SLC8A1: variants seen among roughly 807,000 people sequenced by gnomAD.
The protein encoded by SLC8A1 is sodium/calcium exchanger 1.
Under a neutral mutation model 68.3 loss-of-function variants are expected in SLC8A1, and 18 were observed. The ratio of observed to expected loss-of-function variants is 0.26; its 90% CI spans 0.18 to 0.39. SLC8A1 has a LOEUF of 0.39. Ranked by LOEUF, SLC8A1 falls within the 10% of genes least tolerant of loss-of-function variation. The probability of loss-of-function intolerance (pLI) is 1.00; values close to 1 mark genes in which losing one functional copy is unlikely to be tolerated. For missense variants in SLC8A1, 985 were observed against 1,156.7 expected (o/e 0.85, Z 2.15); for synonymous variants, 475 against 415.5 (o/e 1.14, Z -1.74).
chr2:40,352,582 G>A (rs2149449545), intron 2 of SLC8A1, among the ~76,000 whole-genome samples: 1 of 152,298 alleles, frequency 6.6e-6, no homozygotes, highest in East Asian at 1.9e-4. Flanking sequence ...TCTTTGGTCT[G>A]TAAAACTCTG....
At chr2:40,294,096 T>C (rs967283830) in intron 2 of SLC8A1, among the ~76,000 whole-genome samples, 2 of 152,154 alleles carry the variant, frequency 1.3e-5, no homozygotes, top group African/African-American at 2.4e-5. Flanking sequence ...CACTGAGATA[T>C]CTTTATGCTC....
At chr2:40,203,178 G>A (rs1188525950) in intron 2 of SLC8A1, among the ~76,000 whole-genome samples, 9 of 152,008 alleles carry the variant, frequency 5.9e-5, no homozygotes, top group Admixed American at 5.9e-4. Flanking sequence ...CCTTAAGCAT[G>A]TTTACTTGCA....
At chr2:40,150,071 A>C (rs1573190085) in intron 6 of SLC8A1, among the ~76,000 whole-genome samples, 1 of 142,610 alleles carries the variant, frequency 7.0e-6, no homozygotes, top group Non-Finnish European at 1.5e-5. Context: ...AAAAAAAAAA[A>C]GGCAAGGGGA....
At chr2:40,416,826 G>C (rs980526739) in intron 2 of SLC8A1, among the ~76,000 whole-genome samples, 3 of 151,850 alleles carry the variant, frequency 2.0e-5, no homozygotes, top group African/African-American at 7.3e-5. Flanking sequence ...GTAACTGCTG[G>C]TTTTAATTTA....
At chr2:40,165,126 G>A in intron 4 of SLC8A1, 142 bp from the exon 8 acceptor site, 2 of 935,918 alleles carry the variant, frequency 2.1e-6, no homozygotes, top group South Asian at 3.1e-5. Context: ...ATGCTGGAGG[G>A]AAGAGCCAGA....
chr2:40,097,587 G>T (rs2033648115), exon 8 of SLC8A1: 1 of 151,942 alleles, frequency 6.6e-6, no homozygotes, highest in South Asian at 2.1e-4. Flanking sequence ...GTCATTTATT[G>T]TATGTTTGTT....
chr2:40,142,086 C>T (rs1184981549), intron 6 of SLC8A1, among the ~76,000 whole-genome samples: 1 of 152,136 alleles, frequency 6.6e-6, no homozygotes, highest in Non-Finnish European at 1.5e-5. Flanking sequence ...CCTTCAGAAG[C>T]CTCTCTATAT....
rs545340122 is a variant in SLC8A1, at chr2:40,166,699, G to A, written c.1931-1715C>T. ...GAGAGGTGGCTGAGATACATGAAGT[G>A]CAATTTATCCAGCACTGAAATTAAT... On this transcript the variant is annotated intron_variant, in intron 4 of 7. Transcript: ENST00000406785. Among the ~76,000 whole-genome samples, 79 of 152,292 alleles carry A rather than the reference G, an allele frequency of 5.2e-4. No homozygotes were observed. In the South Asian group the frequency reaches 6.0e-3, roughly 12 times the overall value.
exon 8 of SLC8A1, chr2:40,107,263 G>C (rs980285353): frequency 3.2e-4 from 21 of 66,414 alleles, no homozygotes; most frequent in African/African-American, 1.2e-3. Context: ...CTGGGCGACA[G>C]AGCGAGACTC....
chr2:40,160,897 G>A, intron 5 of SLC8A1, 33 bp from the exon 9 acceptor site: 1 of 1,535,058 alleles, frequency 6.5e-7, no homozygotes, highest in Non-Finnish European at 9.0e-7. Context: ...TATAAATGCT[G>A]GGTTCGCTAA....
intron 6 of SLC8A1, among the ~76,000 whole-genome samples, chr2:40,142,945 A>AGT (rs113217495): frequency 0.21 from 30,640 of 148,962 alleles, 3,247 homozygotes; most frequent in East Asian, 0.33. Flanking sequence ...TGTGTGTGTG[A>AGT]GTGTGTGTGT....
chr2:40,394,556 G>C (rs533193941), intron 2 of SLC8A1, among the ~76,000 whole-genome samples: 1 of 152,084 alleles, frequency 6.6e-6, no homozygotes, highest in East Asian at 1.9e-4. Context: ...ATTTCGATAA[G>C]ATTATACAGA....
chr2:40,173,153 A>C (rs2047833639), intron 4 of SLC8A1, among the ~76,000 whole-genome samples: 1 of 152,172 alleles, frequency 6.6e-6, no homozygotes. Context: ...TCAGTCATGA[A>C]GACTGGCTTG....
At chr2:40,308,132 T>C (rs1051887121) in intron 2 of SLC8A1, among the ~76,000 whole-genome samples, 13 of 152,194 alleles carry the variant, frequency 8.5e-5, no homozygotes, top group Non-Finnish European at 1.8e-4. Context: ...AGAGAATTTC[T>C]TGTCCTTAAA....
rs371441259 is a variant in SLC8A1 at position 40,442,106 on chromosome 2, G to A, written c.-25+9798C>T. The stretch of plus-strand genomic sequence containing the variant: ...GGAGATATACCTAATGCTAAATGAC[G>A]AGTTAATGCGTGCAGCACACCAGCA... On this transcript the variant is annotated intron_variant, in intron 1 of 7. Transcript: ENST00000406785. Among the ~76,000 whole-genome samples the A allele has an allele frequency of 1.1e-4, 17 of 148,648 alleles. 1 individual carries two copies. In the South Asian group the frequency reaches 1.3e-3, roughly 11 times the overall value.
At chr2:40,421,814 C>T (rs1010962405) in intron 2 of SLC8A1, among the ~76,000 whole-genome samples, 3 of 152,170 alleles carry the variant, frequency 2.0e-5, no homozygotes, top group Non-Finnish European at 4.4e-5. Context: ...TATAGTGAAA[C>T]AGCTGTATAA....
At chr2:40,448,712 A>G (rs1443206486) in intron 1 of SLC8A1, among the ~76,000 whole-genome samples, 3 of 152,146 alleles carry the variant, frequency 2.0e-5, no homozygotes, top group Admixed American at 6.5e-5. Flanking sequence ...ATGGGAGACC[A>G]TTTGGTAGGG....
chr2:40,162,184 G>T (rs1237603869), intron 5 of SLC8A1, among the ~76,000 whole-genome samples: 3 of 152,204 alleles, frequency 2.0e-5, no homozygotes, highest in Non-Finnish European at 4.4e-5. Context: ...AACTGCTGGT[G>T]CCCCTGATAA....
intron 2 of SLC8A1, among the ~76,000 whole-genome samples, chr2:40,245,935 A>C (rs2061806814): frequency 6.6e-6 from 1 of 152,190 alleles, no homozygotes; most frequent in African/African-American, 2.4e-5. Context: ...AAGGAACTTG[A>C]CCAAGGTTAC....
Sources: allele counts gnomAD v4.1 joint callset (sites outside exome capture counted in the v4.1 genomes callset), GRCh38; gene constraint gnomAD v4.1.1; transcripts MANE v1.5; gene names NCBI Gene and HGNC (gene_info 2026-07-23, HGNC 2026-07-21).